LRRC72: variants seen among roughly 807,000 people sequenced by gnomAD.
LRRC72 encodes the protein leucine rich repeat containing 72, also known as leucine-rich repeat-containing protein 72.
A neutral mutation model predicts 35.8 loss-of-function variants in LRRC72; 41 were observed. That is an observed-to-expected ratio of 1.15 (90% CI 0.89 to 1.49). The LOEUF (loss-of-function observed/expected upper bound fraction) is 1.49, where lower values mean the gene tolerates loss of function less well. Ranked by LOEUF, LRRC72 falls within the 40% of genes most tolerant of loss-of-function variation. LRRC72 has a pLI of 0.00. For synonymous variants in LRRC72, 118 were observed against 119.2 expected (o/e 0.99, Z 0.07); for missense variants, 389 against 330.7 (o/e 1.18, Z -1.37).
chr7:16,562,769 A>T (rs1011064071), intron 5 of LRRC72, among the ~76,000 whole-genome samples: 2 of 152,082 alleles, frequency 1.3e-5, no homozygotes, highest in African/African-American at 4.8e-5. Context: ...AGGTGGGACC[A>T]CCCCTCCCAA....
chr7:16,537,830 A>G, intron 3 of LRRC72, 134 bp downstream of exon 3: 1 of 563,270 alleles, frequency 1.8e-6, no homozygotes, highest in Non-Finnish European at 3.1e-6. Flanking sequence ...CCCATATAAA[A>G]CATATATATC....
chr7:16,537,996 C>A (rs768637294), intron 3 of LRRC72, among the ~76,000 whole-genome samples: 5 of 152,174 alleles, frequency 3.3e-5, no homozygotes, highest in Admixed American at 6.5e-5. Context: ...ACTTGGGCTC[C>A]TGAAAGAAAA....
intron 5 of LRRC72, among the ~76,000 whole-genome samples, chr7:16,562,856 T>C (rs7778649): frequency 6.6e-6 from 1 of 152,178 alleles, no homozygotes; most frequent in Non-Finnish European, 1.5e-5. Context: ...GAGGATATTC[T>C]GATCCCTCCT....
chr7:16,554,646 G>C (rs982982247), intron 3 of LRRC72, among the ~76,000 whole-genome samples: 6 of 152,048 alleles, frequency 3.9e-5, no homozygotes, highest in African/African-American at 1.4e-4. Context: ...TTCTAAACAA[G>C]ATCTTTTAAT....
At chr7:16,556,779 G>C (rs1003575022) in intron 3 of LRRC72, among the ~76,000 whole-genome samples, 1 of 152,174 alleles carries the variant, frequency 6.6e-6, no homozygotes. Context: ...TTCAACCCTT[G>C]GTTTCAACAG....
In LRRC72 at chr7:16,544,930, C is replaced by A. The variant is rs115493219; in HGVS notation, c.234+7234C>A. Among the ~76,000 whole-genome samples, 1,434 of 151,830 alleles carry A rather than the reference C, an allele frequency of 9.4e-3. 28 individuals carry two copies. The highest frequency in any genetic ancestry group is 0.033 in the African/African-American group (1,358 of 41,414). On this transcript the variant is annotated intron_variant, in intron 3 of 8. Transcript: ENST00000401542. ...AGTTTACATAAAAGGACGCTTCTGGCGAAGTCATTGTTTATAAACATCATT... is the reference window on the plus strand; with the variant it reads ...AGTTTACATAAAAGGACGCTTCTGGAGAAGTCATTGTTTATAAACATCATT...
At chr7:16,535,735 T>C (rs930131909) in intron 2 of LRRC72, among the ~76,000 whole-genome samples, 9 of 152,212 alleles carry the variant, frequency 5.9e-5, no homozygotes, top group African/African-American at 1.9e-4. Flanking sequence ...GATTCAGTAA[T>C]TACCACCCAT....
intron 3 of LRRC72, among the ~76,000 whole-genome samples, chr7:16,556,178 G>A (rs981386547): frequency 1.3e-5 from 2 of 152,014 alleles, no homozygotes; most frequent in Non-Finnish European, 2.9e-5. Flanking sequence ...TGGTTCATTT[G>A]AGGAAATTCG....
intron 3 of LRRC72, among the ~76,000 whole-genome samples, chr7:16,552,742 G>T (rs919657089): frequency 2.6e-5 from 4 of 152,178 alleles, no homozygotes; most frequent in African/African-American, 9.7e-5. Context: ...AAACTTGAGA[G>T]GTCAAGTTAG....
At chr7:16,572,100 A>G (rs553299090) in intron 7 of LRRC72, among the ~76,000 whole-genome samples, 1 of 152,330 alleles carries the variant, frequency 6.6e-6, no homozygotes, top group South Asian at 2.1e-4. Flanking sequence ...CTTCAGGACT[A>G]AACCAGGAAG....
Position 16,527,041 on chromosome 7 carries a change from G to C in LRRC72, c.89G>C (p.Arg30Pro). The change falls in exon 1 of 9, where the codon CGG becomes CCG. Residue 30 changes from arginine to proline, a missense_variant and splice_region_variant. Physicochemically the swap from Arg to Pro is moderately radical, Grantham distance 103 (BLOSUM62 -2). Coordinates refer to ENST00000401542, the MANE Select transcript of LRRC72 (RefSeq NM_001195280.2). ...ASETALQSSRRAVEDQLKICG... is the reference protein window; with the variant it reads ...ASETALQSSRPAVEDQLKICG... Reference sequence around the variant, plus strand: ...GAAACTGCCCTACAGAGCAGTCGCCGGGTAAGCGGCACCTGCCTTCCCAAG... The same window carrying C: ...GAAACTGCCCTACAGAGCAGTCGCCCGGTAAGCGGCACCTGCCTTCCCAAG... 2 of 1,537,724 alleles carry C rather than the reference G, an allele frequency of 1.3e-6. No individual in the cohort carries two copies. Among genetic ancestry groups the C allele is most frequent in the Non-Finnish European group, 1.7e-6 (2 of 1,146,782 alleles).
chr7:16,545,161 A>C (rs1166568751), intron 3 of LRRC72, among the ~76,000 whole-genome samples: 2 of 152,254 alleles, frequency 1.3e-5, no homozygotes, highest in Admixed American at 1.3e-4. Flanking sequence ...CACGTATCCC[A>C]GAACTTAAGG....
At chr7:16,544,372 T>C (rs2128335751) in intron 3 of LRRC72, among the ~76,000 whole-genome samples, 1 of 152,326 alleles carries the variant, frequency 6.6e-6, no homozygotes, top group African/African-American at 2.4e-5. Flanking sequence ...TTATGCTCTG[T>C]GAGGGCTTGT....
intron 2 of LRRC72, among the ~76,000 whole-genome samples, chr7:16,533,151 C>T (rs1782197087): frequency 6.6e-6 from 1 of 152,052 alleles, no homozygotes; most frequent in Non-Finnish European, 1.5e-5. Context: ...AACATTATTA[C>T]TATTATTAGG....
At chr7:16,569,963 G>A (rs933376431) in intron 7 of LRRC72, among the ~76,000 whole-genome samples, 1 of 151,888 alleles carries the variant, frequency 6.6e-6, no homozygotes, top group African/African-American at 2.4e-5. Flanking sequence ...CTGGGAGGTG[G>A]AGGTTGCAGC....
Position 16,526,989 on chromosome 7 carries a change from C to G in LRRC72, c.37C>G (p.Arg13Gly). 1.9e-6 allele frequency: 3 copies of G among 1,540,010 alleles called. No individual in the cohort carries two copies. Among genetic ancestry groups the G allele is most frequent in the Non-Finnish European group, 2.6e-6 (3 of 1,146,930 alleles). The change falls in exon 1 of 9, where the codon CGA becomes GGA. Residue 13 changes from arginine to glycine, a missense_variant. Coordinates refer to ENST00000401542, the MANE Select transcript of LRRC72 (RefSeq NM_001195280.2). ...CCCGAACCCCGTGCCCCGTACCTTG[C>G]GATGCTGGCGCCTACGGAGGGCATC... ...WDPNPVPRTLRCWRLRRASET... is the reference protein window; with the variant it reads ...WDPNPVPRTLGCWRLRRASET...
rs912750921 is a variant in LRRC72, at chr7:16,526,902, G to A, written c.-51G>A. 6.9e-7 allele frequency: 1 copy of A among 1,444,374 alleles called. No homozygotes were observed. The highest frequency in any genetic ancestry group is 2.0e-5 in the Admixed American group (1 of 50,634). 89.5% of individuals were successfully genotyped at this position (1,444,374 alleles called of 1,614,324 possible). On this transcript the variant is annotated 5_prime_UTR_variant, in exon 1 of 9. Transcript: ENST00000401542. Reference sequence around the variant, plus strand: ...AGCCAAGTCTCTCTTCGGTGCCACCGGCGGGCGAGGCCGGATTAATCACCG... The same window carrying A: ...AGCCAAGTCTCTCTTCGGTGCCACCAGCGGGCGAGGCCGGATTAATCACCG...
intron 5 of LRRC72, among the ~76,000 whole-genome samples, chr7:16,561,404 C>G (rs1457064632): frequency 6.6e-6 from 1 of 152,128 alleles, no homozygotes; most frequent in African/African-American, 2.4e-5. Context: ...AGGTTATACC[C>G]TAAACAAAGG....
intron 3 of LRRC72, among the ~76,000 whole-genome samples, chr7:16,545,704 GAAAA>G (rs755965799): frequency 2.6e-5 from 4 of 151,908 alleles, no homozygotes; most frequent in Admixed American, 1.3e-4. Flanking sequence ...CAACTTTGTT[GAAAA>G]AATTATATTT....
Sources: allele counts gnomAD v4.1 joint callset (sites outside exome capture counted in the v4.1 genomes callset), GRCh38; gene constraint gnomAD v4.1.1; transcripts MANE v1.5; gene names NCBI Gene and HGNC (gene_info 2026-07-23, HGNC 2026-07-21).